Variants in CNTN5 observed in about 807,000 individuals in gnomAD.
CNTN5 encodes contactin 5.
CNTN5 carries 77 observed loss-of-function variants against 129.1 expected under a neutral mutation model. That is an observed-to-expected ratio of 0.60 (90% confidence interval 0.50 to 0.72). The LOEUF (loss-of-function observed/expected upper bound fraction) is 0.72. Among genes scored for constraint, CNTN5 ranks in the 30% least tolerant of loss-of-function variants. The pLI, the probability that CNTN5 is intolerant of heterozygous loss-of-function variation, is 0.00. For missense variants in CNTN5, 1,478 were observed against 1,328.8 expected, an observed-to-expected ratio of 1.11 and a Z score of -1.75; for synonymous variants, 509 against 465.6, an observed-to-expected ratio of 1.09 and a Z score of -1.20.
chr11:99,452,801 T>A (rs1014163016), intron 2 of CNTN5, among the ~76,000 whole-genome samples: 6 of 152,078 alleles, frequency 3.9e-5, no homozygotes, highest in Non-Finnish European at 8.8e-5. Flanking sequence ...TATGGGAAAA[T>A]TACAAATAAA....
At chr11:99,103,752 A>G (rs1161540885) in intron 1 of CNTN5, among the ~76,000 whole-genome samples, 1 of 149,732 alleles carries the variant, frequency 6.7e-6, no homozygotes, top group Non-Finnish European at 1.5e-5. Context: ...AAATCTAATG[A>G]TAGGTGTCCT....
chr11:100,096,999 C>T (rs1945032537), intron 13 of CNTN5, among the ~76,000 whole-genome samples: 1 of 152,058 alleles, frequency 6.6e-6, no homozygotes, highest in African/African-American at 2.4e-5. Flanking sequence ...TTGCTCTTCT[C>T]TTCATTTGTT....
chr11:99,091,021 C>CAA (rs68113369), intron 1 of CNTN5, among the ~76,000 whole-genome samples: 2,713 of 55,366 alleles, frequency 0.049, 144 homozygotes, highest in Middle Eastern at 0.083. Context: ...GACTCCGTCT[C>CAA]AAAAAAAAAA....
chr11:99,422,471 C>T (rs1283656691), intron 2 of CNTN5, among the ~76,000 whole-genome samples: 1 of 143,402 alleles, frequency 7.0e-6, no homozygotes, highest in Non-Finnish European at 1.5e-5. Context: ...ACAGGGTTTA[C>T]ATCCTGATTA....
intron 3 of CNTN5, among the ~76,000 whole-genome samples, chr11:99,738,911 G>A (rs558637169): frequency 2.8e-4 from 43 of 152,234 alleles, no homozygotes; most frequent in African/African-American, 9.9e-4. Context: ...TCTAGCTTAC[G>A]CTTGTTATAC....
chr11:99,878,131 A>T (rs1948680591), intron 6 of CNTN5, among the ~76,000 whole-genome samples: 1 of 152,218 alleles, frequency 6.6e-6, no homozygotes, highest in Non-Finnish European at 1.5e-5. Context: ...AGAAAGTTTG[A>T]GATTATTTCT....
chr11:100,230,444 C>A (rs999475676), intron 16 of CNTN5, among the ~76,000 whole-genome samples: 1 of 152,088 alleles, frequency 6.6e-6, no homozygotes, highest in Non-Finnish European at 1.5e-5. Flanking sequence ...TGCTTGCTAA[C>A]CTGTAGAACT....
At chr11:99,499,359 T>C (rs1480713777) in intron 2 of CNTN5, among the ~76,000 whole-genome samples, 1 of 152,136 alleles carries the variant, frequency 6.6e-6, no homozygotes, top group Non-Finnish European at 1.5e-5. Flanking sequence ...TTCTCCCTCA[T>C]GAATAAGATT....
At chr11:100,019,978 T>G (rs1053554142) in intron 9 of CNTN5, among the ~76,000 whole-genome samples, 2 of 152,160 alleles carry the variant, frequency 1.3e-5, no homozygotes, top group East Asian at 3.9e-4. Context: ...TTGGCTCATT[T>G]TCTCATGAAG....
intron 2 of CNTN5, among the ~76,000 whole-genome samples, chr11:99,337,963 C>CTA (rs1226672109): frequency 6.6e-6 from 1 of 152,036 alleles, no homozygotes; most frequent in African/African-American, 2.4e-5. Context: ...AATTATTCAA[C>CTA]TATAGGATAT....
At chr11:100,245,941 C>T (rs146283347) in intron 16 of CNTN5, among the ~76,000 whole-genome samples, 7 of 152,216 alleles carry the variant, frequency 4.6e-5, no homozygotes, top group African/African-American at 1.7e-4. Context: ...ACAATGCCTT[C>T]TACTTGATAG....
chr11:99,084,424 T>G (rs1396300516), intron 1 of CNTN5, among the ~76,000 whole-genome samples: 5 of 152,212 alleles, frequency 3.3e-5, no homozygotes, highest in Admixed American at 3.3e-4. Context: ...CATAAATCAT[T>G]GCCTTGAACA....
chr11:99,927,922 T>A (rs1950100337), intron 7 of CNTN5, among the ~76,000 whole-genome samples: 1 of 152,160 alleles, frequency 6.6e-6, no homozygotes, highest in Admixed American at 6.6e-5. Flanking sequence ...GCAAGTTCCA[T>A]CCTGGTATGA....
At chr11:100,098,292 G>T (rs1319777868) in intron 13 of CNTN5, among the ~76,000 whole-genome samples, 3 of 151,928 alleles carry the variant, frequency 2.0e-5, no homozygotes, top group African/African-American at 7.3e-5. Context: ...TGTATTCAAA[G>T]ATAAGAAAGT....
At chr11:99,366,197 G>T (rs1372661626) in intron 2 of CNTN5, among the ~76,000 whole-genome samples, 1 of 152,082 alleles carries the variant, frequency 6.6e-6, no homozygotes, top group African/African-American at 2.4e-5. Context: ...ATAATGCCTT[G>T]CCTGGAAAAT....
rs74330045 is a variant in CNTN5 at position 99,153,673 on chromosome 11, C to T, written c.-210+132403C>T. On this transcript the variant is annotated intron_variant, in intron 1 of 24. Coordinates refer to ENST00000524871, the MANE Select transcript of CNTN5 (RefSeq NM_014361.4). Reference sequence around the variant, plus strand: ...ACTTCAGGCAAGTTAAGAACCATTGCTATTTCTGGGGTATGAGTGCAGTTG... The same window carrying T: ...ACTTCAGGCAAGTTAAGAACCATTGTTATTTCTGGGGTATGAGTGCAGTTG... Among the ~76,000 whole-genome samples, 133 of 152,174 alleles carry T rather than the reference C, an allele frequency of 8.7e-4. 1 individual carries two copies. The East Asian group carries it at 0.023, about 26-fold the overall frequency.
chr11:99,616,702 TA>T, intron 3 of CNTN5, among the ~76,000 whole-genome samples: 1 of 152,212 alleles, frequency 6.6e-6, no homozygotes, highest in Admixed American at 6.5e-5. Context: ...GAGGAAGTGA[TA>T]AAAACTGATA....
Position 100,340,646 on chromosome 11 carries a change from T to C in CNTN5, c.2914T>C (p.Ser972Pro). Residue 972 changes from serine to proline, a missense_variant, in exon 22 of 25, where the codon TCC (serine) becomes CCC (proline). By Grantham distance (74) the Ser-to-Pro change is moderately conservative (BLOSUM62 -1). Transcript: ENST00000524871. ...SSEVSATTKK[S>P]PPSQAPSNLR... Reference sequence around the variant, plus strand: ...TGAAGTGAGTGCAACCACCAAGAAATCCCGTAAGTGACCTGGGCTTTTTGT... The same window carrying C: ...TGAAGTGAGTGCAACCACCAAGAAACCCCGTAAGTGACCTGGGCTTTTTGT... The C allele has an allele frequency of 6.3e-7, 1 of 1,590,738 alleles. No individual in the cohort carries two copies.
intron 3 of CNTN5, among the ~76,000 whole-genome samples, chr11:99,629,622 C>A (rs1951263662): frequency 2.2e-5 from 3 of 136,146 alleles, no homozygotes; most frequent in South Asian, 2.4e-4. Context: ...AGATTTTTCT[C>A]ATCATCAAAA....
Sources: gnomAD v4.1 joint callset for allele counts (sites outside exome capture counted in the v4.1 genomes callset) on GRCh38, gnomAD v4.1.1 for gene constraint, MANE v1.5 for transcripts, NCBI Gene and HGNC (gene_info 2026-07-23, HGNC 2026-07-21) for gene names.